Variants in TEX9 observed in about 807,000 individuals in gnomAD.
TEX9 encodes the protein testis expressed 9.
A neutral mutation model predicts 59.6 loss-of-function variants in TEX9; 74 were observed. The observed-to-expected ratio is 1.24, with a 90% CI of 1.03 to 1.51. The LOEUF (loss-of-function observed/expected upper bound fraction) is 1.51, where lower values mean the gene tolerates loss of function less well. Among genes scored for constraint, TEX9 ranks in the 40% most tolerant of loss-of-function variants. The pLI is 0.00. For synonymous variants in TEX9, 186 were observed against 152.2 expected (o/e 1.22, Z -1.64); for missense variants, 522 against 447.8 (o/e 1.17, Z -1.49).
chr15:56,342,022 A>G (rs2046381471), intron 1 of TEX9, among the ~76,000 whole-genome samples: 1 of 151,944 alleles, frequency 6.6e-6, no homozygotes, highest in Admixed American at 6.6e-5. Context: ...AACTTTTTCT[A>G]TTACATTGAT....
chr15:56,409,586 G>A (rs962354021), intron 9 of TEX9, among the ~76,000 whole-genome samples: 1 of 152,064 alleles, frequency 6.6e-6, no homozygotes, highest in African/African-American at 2.4e-5. Context: ...CTACAGCCTT[G>A]ACCTCCCCAG....
At chr15:56,308,909 A>G (rs1269863038) in intron 1 of TEX9, among the ~76,000 whole-genome samples, 1 of 152,102 alleles carries the variant, frequency 6.6e-6, no homozygotes, top group Non-Finnish European at 1.5e-5. Context: ...ATTGATCTGT[A>G]TATTTAATCT....
chr15:56,285,300 A>T lies in TEX9; in HGVS notation c.-107+41022A>T, dbSNP rs552905443. 1.3e-5 allele frequency among the ~76,000 whole-genome samples: 2 copies of T among 152,320 alleles called. 1 individual carries two copies. The highest frequency in any genetic ancestry group is 4.1e-4 in the South Asian group (2 of 4,832). ...GTTGGCAATTACTGCCTTTAGGAACAGTCAAAGATGTCTCCTGGTGTTGCG... is the reference window on the plus strand; with the variant it reads ...GTTGGCAATTACTGCCTTTAGGAACTGTCAAAGATGTCTCCTGGTGTTGCG... On this transcript the variant is annotated intron_variant, in intron 1 of 5. Coordinates refer to the TEX9 transcript ENST00000560827.
At chr15:56,283,228 T>C (rs2044862688) in intron 1 of TEX9, among the ~76,000 whole-genome samples, 1 of 152,174 alleles carries the variant, frequency 6.6e-6, no homozygotes, top group Non-Finnish European at 1.5e-5. Context: ...ATTACTTCTA[T>C]GACCATGTTA....
intron 1 of TEX9, among the ~76,000 whole-genome samples, chr15:56,315,998 C>G (rs2045748174): frequency 6.6e-6 from 1 of 151,618 alleles, no homozygotes; most frequent in Admixed American, 6.6e-5. Flanking sequence ...GTTTTCAGCT[C>G]CATCAGCTCC....
intron 1 of TEX9, among the ~76,000 whole-genome samples, chr15:56,322,413 C>G: frequency 6.6e-6 from 1 of 152,128 alleles, no homozygotes; most frequent in East Asian, 1.9e-4. Context: ...AGAAAACCAT[C>G]GTGGTCATGC....
chr15:56,254,775 A>G (rs1347912551), intron 1 of TEX9, among the ~76,000 whole-genome samples: 1 of 150,578 alleles, frequency 6.6e-6, no homozygotes, highest in African/African-American at 2.4e-5. Context: ...AAATATAATT[A>G]TTGTATATAA....
chr15:56,454,486 T>C, the TEX9 span, among the ~76,000 whole-genome samples: 2 of 152,292 alleles, frequency 1.3e-5, no homozygotes, highest in African/African-American at 4.8e-5. Flanking sequence ...AAATCTGTTA[T>C]CTTTTAATTT....
intron 1 of TEX9, among the ~76,000 whole-genome samples, chr15:56,315,312 T>G (rs1357215407): frequency 4.1e-5 from 6 of 145,482 alleles, no homozygotes; most frequent in Admixed American, 2.1e-4. Flanking sequence ...CCATGTTTAG[T>G]GCTTCCTTCA....
At position 56,444,459 on chromosome 15, in the gene TEX9, T is replaced by A. The variant is rs750024297; in HGVS notation, c.*30-1212T>A. Reference sequence around the variant, plus strand: ...ATAAACTTACAACTGATCTTCTTCATAGATCTTCCTAACAATTTCATCAAT... The same window carrying A: ...ATAAACTTACAACTGATCTTCTTCAAAGATCTTCCTAACAATTTCATCAAT... On this transcript the variant is annotated intron_variant, in intron 12 of 12. Coordinates refer to ENST00000352903, the Ensembl canonical transcript of TEX9. The A allele has an allele frequency of 2.7e-5, 44 of 1,606,540 alleles. 1 individual carries two copies. In the South Asian group the frequency reaches 4.7e-4, roughly 17 times the overall value.
At position 56,418,428 on chromosome 15, in the gene TEX9, C is replaced by T. The variant is rs188856424; in HGVS notation, c.963+5992C>T. Among the ~76,000 whole-genome samples, 13 of 150,810 alleles carry T rather than the reference C, an allele frequency of 8.6e-5. 1 individual carries two copies. In the East Asian group the frequency reaches 2.5e-3, roughly 29 times the overall value. On this transcript the variant is annotated intron_variant, in intron 10 of 12. Transcript: ENST00000352903. ...TCTGAAGAGGATCTTATTTCTCCTT[C>T]ACTTAGGTAGCTTAGTTTGGCTTAA... is the stretch of plus-strand genomic sequence containing the variant.
intron 1 of TEX9, among the ~76,000 whole-genome samples, chr15:56,291,851 C>A (rs1430699731): frequency 6.6e-6 from 1 of 152,122 alleles, no homozygotes; most frequent in Non-Finnish European, 1.5e-5. Flanking sequence ...GATATGAGAT[C>A]CCACATAACA....
intron 1 of TEX9, among the ~76,000 whole-genome samples, chr15:56,263,685 T>C (rs1386616594): frequency 6.6e-6 from 1 of 152,184 alleles, no homozygotes; most frequent in African/African-American, 2.4e-5. Flanking sequence ...CCCCCAAATT[T>C]GTTTGTGCCC....
chr15:56,379,660 G>A (rs2047632413), intron 3 of TEX9, among the ~76,000 whole-genome samples: 1 of 152,202 alleles, frequency 6.6e-6, no homozygotes, highest in Non-Finnish European at 1.5e-5. Context: ...AGCTATTACT[G>A]TATTGTGGTC....
At chr15:56,279,978 A>G (rs8032549) in intron 1 of TEX9, among the ~76,000 whole-genome samples, 56,163 of 152,106 alleles carry the variant, frequency 0.37, 10,705 homozygotes, top group Middle Eastern at 0.52. Context: ...ACAGCTTGCA[A>G]TAAGCTGTAG....
intron 2 of TEX9, 169 bp downstream of exon 2, chr15:56,365,839 G>C (rs2046918150): frequency 1.4e-6 from 2 of 1,431,070 alleles, no homozygotes; most frequent in African/African-American, 1.4e-5. Flanking sequence ...TCTTTGATCT[G>C]AGTAGTTCGC....
intron 1 of TEX9, among the ~76,000 whole-genome samples, chr15:56,310,220 T>G (rs1389021836): frequency 2.0e-5 from 3 of 152,036 alleles, no homozygotes; most frequent in Non-Finnish European, 4.4e-5. Context: ...CCACCTGAGG[T>G]CAGGAGTTCA....
chr15:56,250,022 A>G (rs760631821), intron 1 of TEX9, among the ~76,000 whole-genome samples: 14 of 152,118 alleles, frequency 9.2e-5, no homozygotes, highest in Non-Finnish European at 1.9e-4. Flanking sequence ...AAGTCTTTCA[A>G]ACCCTACTGC....
At chr15:56,430,348 A>C (rs2050550978) in intron 12 of TEX9, among the ~76,000 whole-genome samples, 194 bp downstream of exon 12, 3 of 152,164 alleles carry the variant, frequency 2.0e-5, no homozygotes, top group African/African-American at 7.2e-5. Flanking sequence ...CTGGGACTAC[A>C]GGCGTGCATC....
Sources: gnomAD v4.1 joint callset for allele counts (sites outside exome capture counted in the v4.1 genomes callset) on GRCh38, gnomAD v4.1.1 for gene constraint, MANE v1.5 for transcripts, NCBI Gene and HGNC (gene_info 2026-07-23, HGNC 2026-07-21) for gene names.